ORC3: variants seen among roughly 807,000 people sequenced by gnomAD.
ORC3 encodes the protein homolog of latheo, Drosophila.
A neutral mutation model predicts 100.7 loss-of-function variants in ORC3; 78 were observed. That is an observed-to-expected ratio of 0.77 (90% CI 0.65 to 0.94). ORC3 has a LOEUF of 0.94. Ranked by LOEUF, ORC3 falls within the 40% of genes least tolerant of loss-of-function variation. The pLI is 0.00. For synonymous variants in ORC3, 295 were observed against 289.3 expected, an observed-to-expected ratio of 1.02 and a Z score of -0.20; for missense variants, 789 against 823.9, an observed-to-expected ratio of 0.96 and a Z score of 0.52.
At chr6:87,628,285 A>G (rs984200551) in intron 11 of ORC3, among the ~76,000 whole-genome samples, 15 of 152,200 alleles carry the variant, frequency 9.9e-5, no homozygotes, top group African/African-American at 3.6e-4. Context: ...ACATTTACCT[A>G]AGTAAGAAAC....
intron 11 of ORC3, among the ~76,000 whole-genome samples, chr6:87,629,636 C>T (rs1056343947): frequency 9.2e-5 from 14 of 152,138 alleles, no homozygotes; most frequent in Non-Finnish European, 2.1e-4. Flanking sequence ...TTTTTGGCTT[C>T]TAGTGTGCCC....
At chr6:87,600,983 C>G (rs1777855507) in intron 2 of ORC3, among the ~76,000 whole-genome samples, 1 of 152,058 alleles carries the variant, frequency 6.6e-6, no homozygotes, top group Non-Finnish European at 1.5e-5. Flanking sequence ...TCACAAATAG[C>G]TAACCATTTG....
intron 13 of ORC3, among the ~76,000 whole-genome samples, chr6:87,646,781 C>T (rs1359425137): frequency 1.3e-5 from 2 of 152,214 alleles, no homozygotes; most frequent in Admixed American, 1.3e-4. Flanking sequence ...AGGGCTTAAT[C>T]GTAAGCCTAT....
At chr6:87,674,070 G>A in the ORC3 span, among the ~76,000 whole-genome samples, 2 of 152,040 alleles carry the variant, frequency 1.3e-5, no homozygotes, top group Non-Finnish European at 2.9e-5. Flanking sequence ...GAAGGCCGAG[G>A]TGGGCAGATC....
intron 13 of ORC3, among the ~76,000 whole-genome samples, chr6:87,642,188 T>G (rs542266934): frequency 6.6e-6 from 1 of 152,226 alleles, no homozygotes; most frequent in South Asian, 2.1e-4. Flanking sequence ...CCAAGCTACT[T>G]GGAGGCTGAG....
intron 16 of ORC3, 81 bp downstream of exon 16, chr6:87,658,099 A>G: frequency 2.8e-6 from 2 of 706,946 alleles, no homozygotes; most frequent in Non-Finnish European, 5.0e-6. Context: ...GTCTATAGCC[A>G]ATCCAGAACA....
intron 4 of ORC3, 34 bp from the exon 5 acceptor site, chr6:87,605,883 A>G: frequency 9.7e-7 from 1 of 1,029,596 alleles, no homozygotes; most frequent in Non-Finnish European, 1.5e-6. Flanking sequence ...TATTAATAAA[A>G]ATGGTGATGT....
chr6:87,632,629 G>A (rs944763306), intron 11 of ORC3, among the ~76,000 whole-genome samples: 2 of 152,124 alleles, frequency 1.3e-5, no homozygotes, highest in Admixed American at 1.3e-4. Context: ...TTGGGAGGCT[G>A]AGGTGGGTGG....
intron 5 of ORC3, among the ~76,000 whole-genome samples, chr6:87,606,350 G>A (rs1583022302): frequency 6.6e-6 from 1 of 152,150 alleles, no homozygotes; most frequent in Admixed American, 6.5e-5. Context: ...ATTGGGGAAT[G>A]AGGAGCTCTT....
intron 11 of ORC3, among the ~76,000 whole-genome samples, chr6:87,625,524 C>T: frequency 6.6e-6 from 1 of 152,150 alleles, no homozygotes; most frequent in East Asian, 1.9e-4. Flanking sequence ...ATATCCTTTG[C>T]CCACTTTTTG....
At chr6:87,652,371 A>T (rs1447884516) in intron 13 of ORC3, among the ~76,000 whole-genome samples, 2 of 152,212 alleles carry the variant, frequency 1.3e-5, no homozygotes, top group Non-Finnish European at 2.9e-5. Context: ...CAAGAACAAG[A>T]TCCTAACTTT....
chr6:87,657,419 A>G (rs1769803171), intron 15 of ORC3, among the ~76,000 whole-genome samples: 1 of 152,236 alleles, frequency 6.6e-6, no homozygotes, highest in African/African-American at 2.4e-5. Context: ...GCCACAGTAT[A>G]TCCAATATAT....
At chr6:87,621,550 T>G in intron 10 of ORC3, 63 bp downstream of exon 10, 8 of 1,081,456 alleles carry the variant, frequency 7.4e-6, no homozygotes, top group Non-Finnish European at 1.0e-5. Context: ...ATAAGAGATC[T>G]CAGATCCAGT....
Position 87,606,014 on chromosome 6 carries a change from T to C in ORC3, c.420T>C (p.Asp140=), listed in dbSNP as rs774014873. 3 of 1,503,416 alleles carry C rather than the reference T, an allele frequency of 2.0e-6. No individual in the cohort carries two copies. Among genetic ancestry groups the C allele is most frequent in the Non-Finnish European group, 2.7e-6 (3 of 1,111,738 alleles). 93.1% of individuals were successfully genotyped at this position (1,503,416 alleles called of 1,614,324 possible). A position where few individuals can be genotyped will look rare whatever the true frequency, so the allele number is the denominator to read the frequency against. ...ATGTAGTCTCATTGCAAGCTAAAGA[T>C]TGTCCAGGTAAAAATATAAATGCCA... ...TPYVVSLQAK[D]CPDMKHFLQK... Residue 140 remains aspartate (D), a synonymous_variant, in exon 5 of 20, where the codon GAT becomes GAC. Coordinates refer to ENST00000392844, the MANE Select transcript of ORC3 (RefSeq NM_012381.4).
chr6:87,609,120 A>G lies in ORC3; in HGVS notation c.604A>G (p.Lys202Glu). 6.2e-7 allele frequency: 1 copy of G among 1,600,986 alleles called. No homozygotes were observed. Among genetic ancestry groups the G allele is most frequent in the Non-Finnish European group, 8.5e-7 (1 of 1,175,812 alleles). Residue 202 changes from lysine to glutamate, a missense_variant, in exon 7 of 20, where the codon AAA (lysine) becomes GAA (glutamate). Lys to Glu is a moderately conservative substitution (Grantham distance 56). Transcript: ENST00000392844. ...TQKTDPKMLS[K>E]KRTTSSQWQS... ...GAAGACGGACCCAAAAATGCTAAGC[A>G]AAAAAAGGACTACTTCTAGCCAATG...
chr6:87,660,738 T>C (rs1034990545), intron 16 of ORC3, among the ~76,000 whole-genome samples: 1 of 152,200 alleles, frequency 6.6e-6, no homozygotes, highest in South Asian at 2.1e-4. Flanking sequence ...CAGAACCACC[T>C]CTTTCAGGGA....
chr6:87,607,960 T>G (rs1445119927), intron 6 of ORC3, 136 bp downstream of exon 6: 2 of 520,376 alleles, frequency 3.8e-6, no homozygotes, highest in Non-Finnish European at 6.5e-6. Flanking sequence ...AAAGTAGGTA[T>G]TTATTTTTTC....
At chr6:87,677,229 A>T in the ORC3 span, among the ~76,000 whole-genome samples, 1 of 152,210 alleles carries the variant, frequency 6.6e-6, no homozygotes, top group Non-Finnish European at 1.5e-5. Flanking sequence ...CTAAAACCTG[A>T]TCAAGTATCA....
At chr6:87,635,301 A>C (rs1250874141) in intron 12 of ORC3, among the ~76,000 whole-genome samples, 1 of 152,240 alleles carries the variant, frequency 6.6e-6, no homozygotes, top group Admixed American at 6.5e-5. Flanking sequence ...AATCTGTTTG[A>C]GAATGCTTGA....
Sources: gnomAD v4.1 joint callset for allele counts (sites outside exome capture counted in the v4.1 genomes callset) on GRCh38, gnomAD v4.1.1 for gene constraint, MANE v1.5 for transcripts, NCBI Gene and HGNC (gene_info 2026-07-23, HGNC 2026-07-21) for gene names.